FAM124A: variants seen among roughly 807,000 people sequenced by gnomAD.
FAM124A encodes the protein protein FAM124A.
FAM124A carries 23 observed loss-of-function variants against 24.5 expected under a neutral mutation model. That is an observed-to-expected ratio of 0.94 (90% CI 0.68 to 1.33). The LOEUF is 1.33. Ranked by LOEUF, FAM124A falls within the 40% of genes most tolerant of loss-of-function variation. The pLI is 0.00. For missense variants in FAM124A, 623 were observed against 722.8 expected (o/e 0.86, Z 1.58); for synonymous variants, 287 against 314.7 (o/e 0.91, Z 0.93).
chr13:51,232,328 T>C lies in FAM124A; in HGVS notation c.100+949T>C, dbSNP rs146903250. Reference sequence around the variant, plus strand: ...ACTTATTTTAAATTAACAAAAGTAATTGTCTTAATATAAAGGCCCTGATTG... The same window carrying C: ...ACTTATTTTAAATTAACAAAAGTAACTGTCTTAATATAAAGGCCCTGATTG... On this transcript the variant is annotated intron_variant, in intron 2 of 3. Transcript: ENST00000322475. Among the ~76,000 whole-genome samples, 374 of 152,306 alleles carry C rather than the reference T, an allele frequency of 2.5e-3. 1 individual carries two copies. The highest frequency in any genetic ancestry group is 7.6e-3 in the African/African-American group (318 of 41,572).
At chr13:51,259,645 C>G in intron 3 of FAM124A, among the ~76,000 whole-genome samples, 1 of 152,178 alleles carries the variant, frequency 6.6e-6, no homozygotes, top group East Asian at 1.9e-4. Flanking sequence ...TTGTCCCTCT[C>G]TCATTCTCAG....
At chr13:51,235,868 A>G (rs995958311) in intron 2 of FAM124A, among the ~76,000 whole-genome samples, 1 of 152,242 alleles carries the variant, frequency 6.6e-6, no homozygotes, top group Non-Finnish European at 1.5e-5. Flanking sequence ...GGCCACCAAC[A>G]GTGTGCTCTG....
chr13:51,273,787 T>A (rs1952008695), intron 3 of FAM124A, among the ~76,000 whole-genome samples: 1 of 152,272 alleles, frequency 6.6e-6, no homozygotes, highest in African/African-American at 2.4e-5. Context: ...ATTGTTTCTG[T>A]CAGCTCCTCC....
At chr13:51,244,233 C>T (rs554739239) in intron 2 of FAM124A, among the ~76,000 whole-genome samples, 2 of 152,276 alleles carry the variant, frequency 1.3e-5, no homozygotes, top group African/African-American at 4.8e-5. Flanking sequence ...TTGGAAACCA[C>T]GTTGAGCATG....
At chr13:51,277,969 T>G (rs1265966503) in intron 3 of FAM124A, among the ~76,000 whole-genome samples, 1 of 152,222 alleles carries the variant, frequency 6.6e-6, no homozygotes, top group Non-Finnish European at 1.5e-5. Flanking sequence ...ATTCCAATTT[T>G]TTGGTGACTT....
intron 3 of FAM124A, among the ~76,000 whole-genome samples, chr13:51,263,900 G>A (rs1446446451): frequency 6.6e-6 from 1 of 152,178 alleles, no homozygotes; most frequent in East Asian, 1.9e-4. Flanking sequence ...AGCCAAATCA[G>A]AAAGAAAAAT....
intron 3 of FAM124A, among the ~76,000 whole-genome samples, chr13:51,254,824 T>C (rs9568561): frequency 0.48 from 73,686 of 152,116 alleles, 19,255 homozygotes; most frequent in East Asian, 0.87. Flanking sequence ...GTTCTCCTTA[T>C]ACGTTTTTGT....
chr13:51,232,987 T>A (rs1208750343), intron 2 of FAM124A, among the ~76,000 whole-genome samples: 1 of 152,218 alleles, frequency 6.6e-6, no homozygotes, highest in African/African-American at 2.4e-5. Flanking sequence ...ACCCTGCTAT[T>A]GCTCTTCCTT....
intron 3 of FAM124A, among the ~76,000 whole-genome samples, chr13:51,279,337 C>G (rs1007308311): frequency 6.6e-6 from 1 of 152,214 alleles, no homozygotes; most frequent in African/African-American, 2.4e-5. Flanking sequence ...CTCCTTACCC[C>G]ATCCCAAAGG....
intron 3 of FAM124A, among the ~76,000 whole-genome samples, chr13:51,261,098 C>A (rs181858721): frequency 6.6e-6 from 1 of 152,326 alleles, no homozygotes; most frequent in East Asian, 1.9e-4. Flanking sequence ...TGATTTCATC[C>A]CATTTGCACC....
intron 3 of FAM124A, among the ~76,000 whole-genome samples, chr13:51,279,792 A>T (rs1462288495): frequency 6.6e-6 from 1 of 152,170 alleles, no homozygotes; most frequent in Non-Finnish European, 1.5e-5. Context: ...CAGTTCCTGA[A>T]AGGTAACGTA....
chr13:51,225,976 CTTTTTTTTTTTTT>C (rs780570797), intron 1 of FAM124A, among the ~76,000 whole-genome samples: 17,330 of 67,714 alleles, frequency 0.26, 2,023 homozygotes, highest in Non-Finnish European at 0.32. Flanking sequence ...TGCTTGCTTT[CTTTTTTTTTTTTT>C]TTTTTTTTTT....
At chr13:51,268,222 G>A (rs975348175) in intron 3 of FAM124A, among the ~76,000 whole-genome samples, 10 of 152,288 alleles carry the variant, frequency 6.6e-5, no homozygotes, top group East Asian at 5.8e-4. Flanking sequence ...CTTGACAAAC[G>A]AAAGAGTAAA....
At chr13:51,230,915 G>A (rs1455601508) in intron 1 of FAM124A, among the ~76,000 whole-genome samples, 1 of 152,198 alleles carries the variant, frequency 6.6e-6, no homozygotes, top group Non-Finnish European at 1.5e-5. Context: ...CTCTCCTCGC[G>A]CTGGGATCCT....
intron 3 of FAM124A, among the ~76,000 whole-genome samples, chr13:51,270,055 T>G (rs755259784): frequency 6.6e-6 from 1 of 152,210 alleles, no homozygotes; most frequent in Non-Finnish European, 1.5e-5. Context: ...TCCTGTTTAC[T>G]CTGGGTTCTT....
At chr13:51,224,765 T>C (rs1954299645) in intron 1 of FAM124A, among the ~76,000 whole-genome samples, 1 of 152,210 alleles carries the variant, frequency 6.6e-6, no homozygotes, top group African/African-American at 2.4e-5. Flanking sequence ...CTTTCAAACT[T>C]TTATGGCTCT....
chr13:51,222,574 G>T lies in FAM124A; in HGVS notation c.68+5G>T. On this transcript the variant is annotated splice_donor_5th_base_variant and intron_variant, in intron 1 of 3. Transcript: ENST00000322475. ...CTCGGGCGCCGAGACCGGAGGGTGAGCCGCGCCGGGCCGGGCCGCGGGCGG... is the reference window on the plus strand; with the variant it reads ...CTCGGGCGCCGAGACCGGAGGGTGATCCGCGCCGGGCCGGGCCGCGGGCGG... 1 of 1,224,474 alleles carries T rather than the reference G, an allele frequency of 8.2e-7. No homozygotes were observed. Among genetic ancestry groups the T allele is most frequent in the Non-Finnish European group, 1.0e-6 (1 of 984,382 alleles). The allele number at this position is 1,224,474 out of a possible 1,614,324, so 75.9% of individuals were successfully genotyped here.
At chr13:51,236,506 CATT>C (rs1170180768) in intron 2 of FAM124A, among the ~76,000 whole-genome samples, 2 of 152,202 alleles carry the variant, frequency 1.3e-5, no homozygotes, top group Non-Finnish European at 2.9e-5. Flanking sequence ...AAGATGAGCT[CATT>C]GTGATATAAT....
intron 2 of FAM124A, among the ~76,000 whole-genome samples, chr13:51,242,405 C>T (rs530352737): frequency 6.6e-6 from 1 of 152,302 alleles, no homozygotes; most frequent in Admixed American, 6.5e-5. Context: ...GGGTGTCAGG[C>T]CTGCATTACT....
Sources: gnomAD v4.1 joint callset for allele counts (sites outside exome capture counted in the v4.1 genomes callset) on GRCh38, gnomAD v4.1.1 for gene constraint, MANE v1.5 for transcripts, NCBI Gene and HGNC (gene_info 2026-07-23, HGNC 2026-07-21) for gene names.